The following GALNT10 variants were observed in gnomAD, a reference collection of about 807,000 sequenced individuals.
GALNT10 encodes GalNAc transferase 10.
GALNT10 carries 41 observed loss-of-function variants against 75.0 expected under a neutral mutation model. The observed-to-expected ratio is 0.55, with a 90% confidence interval of 0.43 to 0.71. The LOEUF is 0.71. Ranked by LOEUF, GALNT10 falls within the 30% of genes least tolerant of loss-of-function variation. The pLI is 0.00. For missense variants in GALNT10, 727 were observed against 818.5 expected (o/e 0.89, Z 1.36); for synonymous variants, 302 against 313.0 (o/e 0.96, Z 0.37).
rs1373775949 is a variant in GALNT10 at position 154,281,987 on chromosome 5, G to A, written c.160-12829G>A. Among the ~76,000 whole-genome samples the A allele has an allele frequency of 2.6e-5, 4 of 152,310 alleles. No individual in the cohort carries two copies. The East Asian group carries it at 7.7e-4, about 29-fold the overall frequency. ...GTTCCATGAGGCTGGCTCGTAACCTGTTTTGTGCTATAATAACAGATGCCA... is the reference window on the plus strand; with the variant it reads ...GTTCCATGAGGCTGGCTCGTAACCTATTTTGTGCTATAATAACAGATGCCA... On this transcript the variant is annotated intron_variant, in intron 1 of 11. Coordinates refer to ENST00000297107, the MANE Select transcript of GALNT10 (RefSeq NM_198321.4).
chr5:154,404,190 G>A lies in GALNT10; in HGVS notation c.1143G>A (p.Pro381=), dbSNP rs763250545. 51 of 1,604,418 alleles carry A rather than the reference G, an allele frequency of 3.2e-5. 1 individual carries two copies. In the South Asian group the frequency reaches 3.2e-4, roughly 10 times the overall value. ...IYRKYVPYKV[P]AGVSLARNLK... Reference sequence around the variant, plus strand: ...GGAAGTATGTGCCCTACAAGGTCCCGGCCGGAGTCAGCCTGGCCCGGGTAA... The same window carrying A: ...GGAAGTATGTGCCCTACAAGGTCCCAGCCGGAGTCAGCCTGGCCCGGGTAA... Residue 381 remains proline (P), a synonymous_variant, in exon 8 of 12, where the codon CCG becomes CCA. Coordinates refer to ENST00000297107, the MANE Select transcript of GALNT10 (RefSeq NM_198321.4).
intron 3 of GALNT10, among the ~76,000 whole-genome samples, chr5:154,310,373 T>C (rs2113094316): frequency 6.6e-6 from 1 of 152,182 alleles, no homozygotes; most frequent in East Asian, 1.9e-4. Context: ...GTAGATGGAA[T>C]GATTTGTAAG....
At chr5:154,325,900 C>A (rs912862375) in intron 3 of GALNT10, among the ~76,000 whole-genome samples, 7 of 152,036 alleles carry the variant, frequency 4.6e-5, no homozygotes, top group Non-Finnish European at 8.8e-5. Context: ...CATAAAAAGT[C>A]ATCTATATTG....
intron 6 of GALNT10, among the ~76,000 whole-genome samples, chr5:154,385,092 G>A (rs1027061825): frequency 3.9e-5 from 6 of 152,212 alleles, no homozygotes; most frequent in African/African-American, 1.4e-4. Flanking sequence ...TATTCGATCA[G>A]CCTACTTCCC....
intron 1 of GALNT10, among the ~76,000 whole-genome samples, chr5:154,192,415 TC>T (rs1774871683): frequency 6.6e-6 from 1 of 152,218 alleles, no homozygotes; most frequent in Non-Finnish European, 1.5e-5. Flanking sequence ...TCCCTGAAAT[TC>T]TGTATCTGTA....
At chr5:154,372,660 T>G (rs1158090175) in intron 4 of GALNT10, among the ~76,000 whole-genome samples, 2 of 152,112 alleles carry the variant, frequency 1.3e-5, no homozygotes, top group Non-Finnish European at 2.9e-5. Flanking sequence ...GGAGCCAGCA[T>G]GGAGCATGTG....
intron 3 of GALNT10, among the ~76,000 whole-genome samples, chr5:154,300,401 T>C (rs1437973328): frequency 6.6e-6 from 1 of 152,170 alleles, no homozygotes; most frequent in Non-Finnish European, 1.5e-5. Flanking sequence ...CCTGGATGGT[T>C]TTTTAAACTA....
intron 4 of GALNT10, among the ~76,000 whole-genome samples, chr5:154,341,305 C>T (rs1036777778): frequency 2.0e-5 from 3 of 152,170 alleles, no homozygotes; most frequent in Non-Finnish European, 4.4e-5. Flanking sequence ...TTTATAAATG[C>T]AGACCTCTTC....
In GALNT10 at chr5:154,362,421, A is replaced by G. The variant is rs894678421; in HGVS notation, c.569-13856A>G. On this transcript the variant is annotated intron_variant, in intron 4 of 11. Coordinates refer to ENST00000297107, the MANE Select transcript of GALNT10 (RefSeq NM_198321.4). ...CTTTCAGGCCTTTGACAAATTAAAC[A>G]TTCAAAAGTAAAAATTGCTCACTGC... Among the ~76,000 whole-genome samples, 3 of 152,312 alleles carry G rather than the reference A, an allele frequency of 2.0e-5. No homozygotes were observed. In the East Asian group the frequency reaches 5.8e-4, roughly 29 times the overall value.
At chr5:154,397,506 A>G (rs974950531) in intron 7 of GALNT10, among the ~76,000 whole-genome samples, 1 of 152,144 alleles carries the variant, frequency 6.6e-6, no homozygotes, top group Non-Finnish European at 1.5e-5. Flanking sequence ...CCCATTTTGC[A>G]GAGGAGGAAA....
At chr5:154,263,843 G>A (rs1171032415) in intron 1 of GALNT10, among the ~76,000 whole-genome samples, 7 of 152,126 alleles carry the variant, frequency 4.6e-5, no homozygotes, top group African/African-American at 1.4e-4. Context: ...GAATTCCAGA[G>A]GGGACACAAA....
chr5:154,393,468 A>G (rs1179202097), intron 7 of GALNT10, among the ~76,000 whole-genome samples: 1 of 152,112 alleles, frequency 6.6e-6, no homozygotes, highest in Admixed American at 6.5e-5. Flanking sequence ...GTCTCTTTCT[A>G]CCTAATGTGT....
chr5:154,404,823 CCT>C (rs1381343947), intron 8 of GALNT10, among the ~76,000 whole-genome samples: 1 of 152,154 alleles, frequency 6.6e-6, no homozygotes, highest in African/African-American at 2.4e-5. Flanking sequence ...CTCCTCACCC[CCT>C]GTCTACTCTT....
intron 7 of GALNT10, among the ~76,000 whole-genome samples, chr5:154,391,110 G>A (rs1755889332): frequency 6.6e-6 from 1 of 152,196 alleles, no homozygotes; most frequent in African/African-American, 2.4e-5. Context: ...CTGTCTCCCA[G>A]GACCCTGTGG....
chr5:154,386,420 T>C lies in GALNT10; in HGVS notation c.1046T>C (p.Ile349Thr). The C allele has an allele frequency of 3.1e-6, 5 of 1,606,570 alleles. No homozygotes were observed. The East Asian group carries it at 1.1e-4, about 36-fold the overall frequency. The change falls in exon 7 of 12, where the codon ATC becomes ACC. Residue 349 changes from isoleucine (I) to threonine (T), a missense_variant. By Grantham distance (89) the Ile-to-Thr change is moderately conservative. Transcript: ENST00000297107. ...LEIWGGEQYE[I>T]SFKVWMCGGR... Reference sequence around the variant, plus strand: ...ATCTGGGGAGGGGAGCAGTATGAAATCTCCTTCAAGGTGAGCCAGCTCTCC... The same window carrying C: ...ATCTGGGGAGGGGAGCAGTATGAAACCTCCTTCAAGGTGAGCCAGCTCTCC...
chr5:154,322,466 C>T (rs1754690131), intron 3 of GALNT10, among the ~76,000 whole-genome samples: 2 of 152,178 alleles, frequency 1.3e-5, no homozygotes, highest in South Asian at 2.1e-4. Context: ...CCTAGATAAT[C>T]CTGGCTCCTC....
At position 154,418,762 on chromosome 5, in the gene GALNT10, C is replaced by T. The variant is rs895484798; in HGVS notation, c.*1790C>T. On this transcript the variant is annotated 3_prime_UTR_variant, in exon 12 of 12. Coordinates refer to ENST00000297107, the MANE Select transcript of GALNT10 (RefSeq NM_198321.4). ...CCAGCACAAGCCCTGCTTTGGCCACCTGTCTGCAAGAGAGGCGGCCCCTGT... is the reference window on the plus strand; with the variant it reads ...CCAGCACAAGCCCTGCTTTGGCCACTTGTCTGCAAGAGAGGCGGCCCCTGT... The T allele has an allele frequency of 6.6e-6, 1 of 152,212 alleles. No homozygotes were observed. Among genetic ancestry groups the T allele is most frequent in the African/African-American group, 2.4e-5 (1 of 41,456 alleles). The allele number at this position is 152,212 out of a possible 1,614,324, so 9.4% of individuals were successfully genotyped here.
intron 1 of GALNT10, among the ~76,000 whole-genome samples, chr5:154,253,706 C>CTTTTT (rs33933907): frequency 4.7e-4 from 34 of 72,648 alleles, no homozygotes; most frequent in African/African-American, 1.4e-3. Context: ...AAAGCCTCCT[C>CTTTTT]TTTTTTTTTT....
intron 10 of GALNT10, 92 bp downstream of exon 10, chr5:154,413,097 G>A (rs893455821): frequency 2.6e-6 from 2 of 776,954 alleles, no homozygotes; most frequent in Non-Finnish European, 4.4e-6. Flanking sequence ...GGAGAGGCAT[G>A]GGTCAGTGAT....
Sources: allele counts gnomAD v4.1 joint callset (sites outside exome capture counted in the v4.1 genomes callset), GRCh38; gene constraint gnomAD v4.1.1; transcripts MANE v1.5; gene names NCBI Gene and HGNC (gene_info 2026-07-23, HGNC 2026-07-21).